Variants in ATP10B observed in about 807,000 individuals in gnomAD.
ATP10B encodes phospholipid-transporting ATPase VB.
In ATP10B, 122 loss-of-function variants were observed where a neutral mutation model predicts 141.2. The ratio of observed to expected loss-of-function variants is 0.86; its 90% CI spans 0.75 to 1.00. The LOEUF is 1.00. Among genes scored for constraint, ATP10B ranks in the 50% least tolerant of loss-of-function variants. The probability of loss-of-function intolerance (pLI) is 0.00; values close to 1 mark genes in which losing one functional copy is unlikely to be tolerated. For missense variants in ATP10B, 1,876 were observed against 1,825.3 expected, an observed-to-expected ratio of 1.03 and a Z score of -0.51; for synonymous variants, 685 against 692.0, an observed-to-expected ratio of 0.99 and a Z score of 0.16.
chr5:160,827,522 A>T (rs1774708745), intron 1 of ATP10B, among the ~76,000 whole-genome samples: 1 of 152,246 alleles, frequency 6.6e-6, no homozygotes, highest in South Asian at 2.1e-4. Context: ...TTGTTAAGTT[A>T]CATATAAATT....
intron 15 of ATP10B, among the ~76,000 whole-genome samples, chr5:160,619,145 A>G (rs1366652885): frequency 1.3e-5 from 2 of 152,194 alleles, no homozygotes; most frequent in African/African-American, 4.8e-5. Flanking sequence ...TAAAGACACC[A>G]GCTCCTGAGA....
intron 6 of ATP10B, among the ~76,000 whole-genome samples, chr5:160,682,104 C>T (rs1217025500): frequency 6.6e-6 from 1 of 152,144 alleles, no homozygotes; most frequent in East Asian, 1.9e-4. Flanking sequence ...GTCCCTGTAG[C>T]CAATTATTTT....
intron 1 of ATP10B, among the ~76,000 whole-genome samples, chr5:160,806,616 A>G (rs1203717693): frequency 6.6e-6 from 1 of 152,240 alleles, no homozygotes; most frequent in Non-Finnish European, 1.5e-5. Context: ...TGATAGGAAC[A>G]ACAACAATGA....
chr5:160,919,061 TA>T, the ATP10B span, among the ~76,000 whole-genome samples: 1 of 149,448 alleles, frequency 6.7e-6, no homozygotes. Flanking sequence ...CCGTCTCTAC[TA>T]AAAATACAAA....
At chr5:160,588,639 C>CT (rs1320116203) in intron 24 of ATP10B, among the ~76,000 whole-genome samples, 1 of 152,094 alleles carries the variant, frequency 6.6e-6, no homozygotes, top group Non-Finnish European at 1.5e-5. Context: ...TCTTAAACTG[C>CT]TTGGGGGCAA....
the ATP10B span, among the ~76,000 whole-genome samples, chr5:160,869,918 C>A: frequency 1.3e-5 from 2 of 152,128 alleles, no homozygotes; most frequent in African/African-American, 4.8e-5. Flanking sequence ...ATGAACCCTT[C>A]CCCTTCAAAC....
intron 1 of ATP10B, among the ~76,000 whole-genome samples, chr5:160,817,111 C>G (rs1315881383): frequency 6.6e-6 from 1 of 152,212 alleles, no homozygotes; most frequent in Admixed American, 6.5e-5. Flanking sequence ...GATGCCCTCT[C>G]TCACCACTCC....
chr5:160,650,686 T>C (rs955438267), intron 7 of ATP10B, among the ~76,000 whole-genome samples: 3 of 152,206 alleles, frequency 2.0e-5, no homozygotes, highest in Admixed American at 6.5e-5. Context: ...ACCTTAGTTA[T>C]AGATTAAAAG....
At chr5:160,749,457 C>T (rs1212278489) in intron 2 of ATP10B, among the ~76,000 whole-genome samples, 3 of 152,134 alleles carry the variant, frequency 2.0e-5, no homozygotes, top group Non-Finnish European at 4.4e-5. Flanking sequence ...GATAGGAAAC[C>T]CAACACCTGT....
At chr5:160,693,447 C>T (rs1024608429) in intron 3 of ATP10B, among the ~76,000 whole-genome samples, 1 of 149,074 alleles carries the variant, frequency 6.7e-6, no homozygotes, top group African/African-American at 2.5e-5. Flanking sequence ...CACACACACA[C>T]ACACACACAG....
chr5:160,928,731 C>T, the ATP10B span, among the ~76,000 whole-genome samples: 1 of 152,174 alleles, frequency 6.6e-6, no homozygotes, highest in African/African-American at 2.4e-5. Flanking sequence ...CCCTCTCTTC[C>T]CCACACACAT....
chr5:160,754,900 T>C (rs1359460413), intron 2 of ATP10B, among the ~76,000 whole-genome samples: 5 of 152,170 alleles, frequency 3.3e-5, no homozygotes, highest in Admixed American at 1.3e-4. Context: ...TTTTCTACGG[T>C]TTTATTGAGG....
chr5:160,663,532 C>T (rs531158685), intron 7 of ATP10B, among the ~76,000 whole-genome samples: 140 of 152,156 alleles, frequency 9.2e-4, no homozygotes, highest in African/African-American at 3.2e-3. Flanking sequence ...AGCAAACTAT[C>T]GCAAGGACAA....
In ATP10B at chr5:160,563,233, T is replaced by G. The variant is rs1754348747; in HGVS notation, c.*2220A>C. On this transcript the variant is annotated 3_prime_UTR_variant, in exon 26 of 26. Coordinates refer to ENST00000327245, the MANE Select transcript of ATP10B (RefSeq NM_025153.3). ...CTAAGTACAATCATTAGCATTATGT[T>G]ATAGGGGAATAGTGGTTATAACTTT... 4 of 152,304 alleles carry G rather than the reference T, an allele frequency of 2.6e-5. No individual in the cohort carries two copies. Among genetic ancestry groups the G allele is most frequent in the Admixed American group, 2.0e-4 (3 of 15,308 alleles). The allele number at this position is 152,304 out of a possible 1,614,324, so 9.4% of individuals were successfully genotyped here.
chr5:160,567,716 G>A (rs1178073753), intron 25 of ATP10B, among the ~76,000 whole-genome samples: 1 of 152,136 alleles, frequency 6.6e-6, no homozygotes, highest in African/African-American at 2.4e-5. Flanking sequence ...CCTAGGAGGA[G>A]TTGGCCCAAG....
chr5:160,604,252 T>C (rs1284378234), intron 19 of ATP10B, among the ~76,000 whole-genome samples: 1 of 152,222 alleles, frequency 6.6e-6, no homozygotes, highest in Non-Finnish European at 1.5e-5. Flanking sequence ...TCAGCAAATA[T>C]AGGACTTACC....
At chr5:160,627,542 C>T (rs962271) in intron 13 of ATP10B, among the ~76,000 whole-genome samples, 117,851 of 152,064 alleles carry the variant, frequency 0.78, 45,812 homozygotes, top group East Asian at 0.84. Flanking sequence ...ACTGGTACAA[C>T]GTCTTGGGAA....
At chr5:160,635,176 G>A (rs1759267266) in intron 11 of ATP10B, among the ~76,000 whole-genome samples, 1 of 152,180 alleles carries the variant, frequency 6.6e-6, no homozygotes, top group Admixed American at 6.5e-5. Flanking sequence ...TGGCTGGGTG[G>A]GATGCTTGTA....
chr5:160,893,196 G>C, the ATP10B span, among the ~76,000 whole-genome samples: 2 of 152,070 alleles, frequency 1.3e-5, no homozygotes, highest in African/African-American at 4.8e-5. Context: ...CCGTGAGACA[G>C]AACCATTCAC....
Sources: gnomAD v4.1 joint callset for allele counts (sites outside exome capture counted in the v4.1 genomes callset) on GRCh38, gnomAD v4.1.1 for gene constraint, MANE v1.5 for transcripts, NCBI Gene and HGNC (gene_info 2026-07-23, HGNC 2026-07-21) for gene names.